SCP2: variants seen among roughly 807,000 people sequenced by gnomAD.
SCP2 encodes the protein sterol carrier protein 2.
SCP2 carries 48 observed loss-of-function variants against 71.4 expected under a neutral mutation model. That is an observed-to-expected ratio of 0.67 (90% CI 0.53 to 0.86). SCP2 has a LOEUF of 0.86. Among genes scored for constraint, SCP2 ranks in the 40% least tolerant of loss-of-function variants. The pLI, the probability that SCP2 is intolerant of heterozygous loss-of-function variation, is 0.00. For missense variants in SCP2, 560 were observed against 655.6 expected, an observed-to-expected ratio of 0.85 and a Z score of 1.59; for synonymous variants, 220 against 218.1, an observed-to-expected ratio of 1.01 and a Z score of -0.08.
chr1:53,046,347 TA>T (rs1218763372), intron 14 of SCP2, among the ~76,000 whole-genome samples: 64 of 150,480 alleles, frequency 4.3e-4, no homozygotes, highest in South Asian at 1.5e-3. Flanking sequence ...TTTTTTTTTT[TA>T]AATTTCAGCC....
At position 52,979,185 on chromosome 1, in the gene SCP2, T is replaced by C. The variant is rs139995583; in HGVS notation, c.825+818T>C. On this transcript the variant is annotated intron_variant, in intron 9 of 15. Transcript: ENST00000371514. The stretch of plus-strand genomic sequence containing the variant: ...ACAGTTTTATTTCTTTTTCTTTTTC[T>C]CTTTGAGACAGGATCTTGCTTTGTT... 6.6e-4 allele frequency among the ~76,000 whole-genome samples: 101 copies of C among 152,288 alleles called. No individual in the cohort carries two copies. In the East Asian group the frequency reaches 0.018, roughly 27 times the overall value.
intron 11 of SCP2, among the ~76,000 whole-genome samples, chr1:52,990,147 T>A (rs1175437053): frequency 6.9e-6 from 1 of 145,930 alleles, no homozygotes; most frequent in Admixed American, 6.6e-5. Flanking sequence ...TAGAATTAGC[T>A]TGGAAAAGTC....
chr1:52,944,927 G>A (rs765560294), intron 2 of SCP2, among the ~76,000 whole-genome samples: 7 of 152,010 alleles, frequency 4.6e-5, no homozygotes, highest in East Asian at 2.0e-4. Context: ...GATTACAGGC[G>A]TGAGCCACCG....
intron 7 of SCP2, among the ~76,000 whole-genome samples, chr1:52,976,118 C>A (rs1244971363): frequency 1.3e-5 from 2 of 152,150 alleles, no homozygotes; most frequent in Non-Finnish European, 1.5e-5. Flanking sequence ...GCTTTCTTGC[C>A]TTTTCCCTAT....
At chr1:53,009,175 G>C (rs968869359) in intron 11 of SCP2, among the ~76,000 whole-genome samples, 3 of 152,098 alleles carry the variant, frequency 2.0e-5, no homozygotes, top group African/African-American at 7.2e-5. Context: ...TAGGAAGAAT[G>C]AATATCGTGA....
chr1:52,942,986 G>A (rs944213221), intron 2 of SCP2, among the ~76,000 whole-genome samples: 5 of 152,172 alleles, frequency 3.3e-5, no homozygotes, highest in Admixed American at 3.3e-4. Context: ...ACAGGTGTGA[G>A]CCACTGCGCC....
At chr1:52,995,394 C>T (rs748027707) in intron 11 of SCP2, 62 of 460,890 alleles carry the variant, frequency 1.3e-4, no homozygotes, top group Non-Finnish European at 2.5e-4. Context: ...ACTTGAACCA[C>T]CTTGTCTCAG....
At chr1:52,955,743 A>G (rs779201899) in intron 5 of SCP2, among the ~76,000 whole-genome samples, 3 of 152,156 alleles carry the variant, frequency 2.0e-5, no homozygotes, top group Admixed American at 1.3e-4. Flanking sequence ...GAACCCTTCA[A>G]ATAAAATTTT....
At chr1:53,025,138 A>G (rs1662031170) in intron 12 of SCP2, among the ~76,000 whole-genome samples, 1 of 151,984 alleles carries the variant, frequency 6.6e-6, no homozygotes, top group Non-Finnish European at 1.5e-5. Flanking sequence ...TGTACTCTCC[A>G]TGTGCACATC....
chr1:52,995,672 G>A lies in SCP2; in HGVS notation c.1081+7536G>A. The A allele has an allele frequency of 8.4e-6, 6 of 711,578 alleles. 1 individual carries two copies. The highest frequency in any genetic ancestry group is 8.4e-5 in the South Asian group (6 of 71,396). 44.1% of individuals were successfully genotyped at this position (711,578 alleles called of 1,614,324 possible). On this transcript the variant is annotated intron_variant, in intron 11 of 15. Coordinates refer to ENST00000371514, the MANE Select transcript of SCP2 (RefSeq NM_002979.5). Reference sequence around the variant, plus strand: ...GCTGTCTTTGTGGATGGATGTCCATGAGCAGTTGCTCAACGTGCAGAACCA... The same window carrying A: ...GCTGTCTTTGTGGATGGATGTCCATAAGCAGTTGCTCAACGTGCAGAACCA...
At chr1:53,006,161 C>T (rs1660625807) in intron 11 of SCP2, among the ~76,000 whole-genome samples, 1 of 152,096 alleles carries the variant, frequency 6.6e-6, no homozygotes, top group African/African-American at 2.4e-5. Context: ...GACTGGTGTA[C>T]CTGAAAGTGA....
chr1:53,010,145 T>A lies in SCP2; in HGVS notation c.1082-4745T>A, dbSNP rs538598485. Among the ~76,000 whole-genome samples, 162 of 152,330 alleles carry A rather than the reference T, an allele frequency of 1.1e-3. 1 individual carries two copies. The highest frequency in any genetic ancestry group is 3.8e-3 in the African/African-American group (156 of 41,580). On this transcript the variant is annotated intron_variant, in intron 11 of 15. Coordinates refer to ENST00000371514, the MANE Select transcript of SCP2 (RefSeq NM_002979.5). ...AGGAAACAACAGGTGCTGGAGAGGA[T>A]GTGGAGAACTAGGAACACTTTTACA...
chr1:52,961,253 A>C (rs761618027), intron 5 of SCP2, among the ~76,000 whole-genome samples: 1 of 151,572 alleles, frequency 6.6e-6, no homozygotes, highest in Non-Finnish European at 1.5e-5. Flanking sequence ...ACAGGATGGA[A>C]TAGTTACTGG....
At chr1:52,964,212 CTCTT>C (rs2150147202) in intron 6 of SCP2, among the ~76,000 whole-genome samples, 1 of 144,902 alleles carries the variant, frequency 6.9e-6, no homozygotes, top group East Asian at 2.0e-4. Flanking sequence ...TTTCTTTTCT[CTCTT>C]TTTTTTTTTT....
At chr1:52,943,825 C>T (rs1183177010) in intron 2 of SCP2, 2 of 450,692 alleles carry the variant, frequency 4.4e-6, no homozygotes, top group East Asian at 1.2e-4. Flanking sequence ...GAGGTTTCTT[C>T]ACCCCTGCAG....
chr1:53,002,246 A>G (rs536817555), intron 11 of SCP2, among the ~76,000 whole-genome samples: 1 of 152,280 alleles, frequency 6.6e-6, no homozygotes, highest in East Asian at 1.9e-4. Flanking sequence ...TTAAGAGCCT[A>G]TGAAGTCAGG....
At position 52,988,011 on chromosome 1, in the gene SCP2, C is replaced by G; in HGVS notation, c.974-18C>G. 3 of 1,212,224 alleles carry G rather than the reference C, an allele frequency of 2.5e-6. No homozygotes were observed. The highest frequency in any genetic ancestry group is 3.7e-6 in the Non-Finnish European group (3 of 815,434). The allele number at this position is 1,212,224 out of a possible 1,614,324, so 75.1% of individuals were successfully genotyped here. On this transcript the variant is annotated intron_variant, in intron 10 of 15. Coordinates refer to ENST00000371514, the MANE Select transcript of SCP2 (RefSeq NM_002979.5). ...TTGTTACTATTAATATTTGTGAATA[C>G]TATTTTTTCTTCTATAGGACAAGGT...
rs184678699 is a variant in SCP2, at chr1:52,953,721, G to A, written c.332-1019G>A. ...CTGTTATTAAAAACTTTGTTTGGTG[G>A]CTTATGTTTGTAATCCCAGCACTTT... On this transcript the variant is annotated intron_variant, in intron 4 of 15. Coordinates refer to ENST00000371514, the MANE Select transcript of SCP2 (RefSeq NM_002979.5). Among the ~76,000 whole-genome samples, 408 of 151,678 alleles carry A rather than the reference G, an allele frequency of 2.7e-3. 2 individuals are homozygous for A. Among genetic ancestry groups the A allele is most frequent in the Non-Finnish European group, 4.3e-3 (291 of 67,902 alleles).
At chr1:53,035,419 G>A (rs1205610071) in intron 13 of SCP2, among the ~76,000 whole-genome samples, 1 of 152,034 alleles carries the variant, frequency 6.6e-6, no homozygotes, top group Non-Finnish European at 1.5e-5. Context: ...TTTTCCCAAA[G>A]GACATTAAAG....
Sources: allele counts gnomAD v4.1 joint callset (sites outside exome capture counted in the v4.1 genomes callset), GRCh38; gene constraint gnomAD v4.1.1; transcripts MANE v1.5; gene names NCBI Gene and HGNC (gene_info 2026-07-23, HGNC 2026-07-21).